Variants in CWH43 observed in about 807,000 individuals in gnomAD.
CWH43 encodes PGAP2-interacting protein.
In CWH43, 91 loss-of-function variants were observed where a neutral mutation model predicts 85.7. The ratio of observed to expected loss-of-function variants is 1.06; its 90% confidence interval spans 0.90 to 1.26. CWH43 has a LOEUF of 1.26. CWH43 is among the 50% of genes most tolerant of loss of function. The pLI is 0.00. For missense variants in CWH43, 869 were observed against 839.2 expected, an observed-to-expected ratio of 1.04 and a Z score of -0.44; for synonymous variants, 323 against 293.6, an observed-to-expected ratio of 1.10 and a Z score of -1.02.
chr4:49,020,586 G>C (rs532367147), intron 9 of CWH43, among the ~76,000 whole-genome samples: 1 of 152,256 alleles, frequency 6.6e-6, no homozygotes, highest in Admixed American at 6.5e-5. Context: ...GAGTGTGATT[G>C]CTGGATCAAA....
intron 11 of CWH43, 136 bp from the exon 12 acceptor site, chr4:49,032,430 T>C: frequency 1.1e-6 from 1 of 908,998 alleles, no homozygotes. Context: ...TATAAGTCTC[T>C]GCCGCATTGC....
At chr4:49,037,991 T>C in intron 12 of CWH43, 45 bp from the exon 13 acceptor site, 1 of 1,547,736 alleles carries the variant, frequency 6.5e-7, no homozygotes, top group African/African-American at 1.4e-5. Flanking sequence ...TTTTTAAAGT[T>C]TGTTTTACAA....
At chr4:49,015,498 G>C (rs1375379823) in intron 8 of CWH43, among the ~76,000 whole-genome samples, 2 of 151,922 alleles carry the variant, frequency 1.3e-5, no homozygotes, top group African/African-American at 4.8e-5. Flanking sequence ...GTGTTCCGTA[G>C]TTTCACTGTG....
chr4:49,039,352 G>GATATAT (rs1254187084), intron 13 of CWH43, among the ~76,000 whole-genome samples: 1 of 5,858 alleles, frequency 1.7e-4, no homozygotes, highest in Non-Finnish European at 5.7e-4. Context: ...TATATATACT[G>GATATAT]ATATATATAT....
intron 11 of CWH43, 52 bp downstream of exon 11, chr4:49,031,012 G>C: frequency 6.7e-7 from 1 of 1,493,182 alleles, no homozygotes; most frequent in Non-Finnish European, 8.9e-7. Context: ...AGGCTAGGCT[G>C]CATAGGCTTG....
chr4:49,054,589 G>T (rs941325902), intron 15 of CWH43, among the ~76,000 whole-genome samples: 3 of 152,068 alleles, frequency 2.0e-5, no homozygotes, highest in African/African-American at 7.2e-5. Flanking sequence ...TCTGCAGATT[G>T]CTTTTGGTAG....
chr4:49,043,168 T>C (rs1165627862), intron 13 of CWH43, among the ~76,000 whole-genome samples: 3 of 152,212 alleles, frequency 2.0e-5, no homozygotes, highest in Admixed American at 6.5e-5. Context: ...GTGATATCTA[T>C]GGAATCATAG....
At chr4:48,996,164 C>T (rs1324764247) in intron 5 of CWH43, among the ~76,000 whole-genome samples, 2 of 152,154 alleles carry the variant, frequency 1.3e-5, no homozygotes, top group African/African-American at 4.8e-5. Context: ...TCCTGGCAAG[C>T]CCTACTCCCT....
intron 12 of CWH43, among the ~76,000 whole-genome samples, chr4:49,034,361 T>G (rs1037284422): frequency 1.3e-5 from 2 of 152,184 alleles, no homozygotes; most frequent in African/African-American, 4.8e-5. Flanking sequence ...TTCCCTTTTT[T>G]CCTTTGCCTT....
intron 9 of CWH43, among the ~76,000 whole-genome samples, chr4:49,024,360 G>A (rs1354572984): frequency 1.3e-5 from 2 of 152,118 alleles, no homozygotes; most frequent in South Asian, 2.1e-4. Context: ...GTATTGAGAC[G>A]TGAGGTACTA....
intron 11 of CWH43, 148 bp downstream of exon 11, chr4:49,031,108 C>T: frequency 1.4e-6 from 1 of 693,268 alleles, no homozygotes; most frequent in East Asian, 3.0e-5. Flanking sequence ...GAGATATGCA[C>T]ATTCTGTAAT....
chr4:49,005,428 C>T (rs1024749725), intron 7 of CWH43, among the ~76,000 whole-genome samples: 5 of 152,102 alleles, frequency 3.3e-5, no homozygotes, highest in Admixed American at 6.6e-5. Context: ...ACCCACTGTC[C>T]TTGCCTACCT....
chr4:49,012,179 C>G (rs1783386022), intron 8 of CWH43, among the ~76,000 whole-genome samples: 1 of 152,146 alleles, frequency 6.6e-6, no homozygotes, highest in African/African-American at 2.4e-5. Flanking sequence ...TTTCTTTTCA[C>G]TCTTTTTTCT....
At chr4:49,056,212 A>T (rs1784952585) in intron 15 of CWH43, among the ~76,000 whole-genome samples, 1 of 151,504 alleles carries the variant, frequency 6.6e-6, no homozygotes, top group Non-Finnish European at 1.5e-5. Flanking sequence ...GATGGTTTCC[A>T]ATTTCATCCA....
At chr4:49,027,965 G>T (rs1388197746) in intron 9 of CWH43, among the ~76,000 whole-genome samples, 3 of 152,120 alleles carry the variant, frequency 2.0e-5, no homozygotes, top group Non-Finnish European at 4.4e-5. Flanking sequence ...TTCCAGTACA[G>T]CAAGGGTGTT....
intron 8 of CWH43, among the ~76,000 whole-genome samples, chr4:49,009,523 G>C (rs1783281728): frequency 6.6e-6 from 1 of 152,168 alleles, no homozygotes; most frequent in African/African-American, 2.4e-5. Flanking sequence ...TTGAATAGGA[G>C]TGGTGAGAGA....
At chr4:49,016,407 G>A (rs1377541922) in intron 8 of CWH43, among the ~76,000 whole-genome samples, 1 of 152,116 alleles carries the variant, frequency 6.6e-6, no homozygotes, top group African/African-American at 2.4e-5. Context: ...GGTGTAAGAA[G>A]GGAGAGGATG....
intron 10 of CWH43, among the ~76,000 whole-genome samples, chr4:49,030,465 T>G (rs558877123): frequency 7.9e-4 from 121 of 152,330 alleles, no homozygotes; most frequent in African/African-American, 2.8e-3. Flanking sequence ...ATGGAGCTGT[T>G]TGTGCTGGAA....
rs758062886 is a variant in CWH43 at position 48,991,498 on chromosome 4, A to G, written c.280A>G (p.Met94Val). ...GGCTCCAAATGCCAAACTTCGACTG[A>G]TGGTTCTTGCGCTTGGGGTGTCTTC... is the stretch of plus-strand genomic sequence containing the variant. ...FQAPNAKLRL[M>V]VLALGVSSSL... The change falls in exon 3 of 16, where the codon ATG becomes GTG. Residue 94 changes from methionine (M) to valine (V), a missense_variant. By Grantham distance (21) the Met-to-Val change is conservative. Coordinates refer to ENST00000226432, the MANE Select transcript of CWH43 (RefSeq NM_025087.3). 5.0e-6 allele frequency: 8 copies of G among 1,614,062 alleles called. No individual in the cohort carries two copies. Among genetic ancestry groups the G allele is most frequent in the Non-Finnish European group, 5.1e-6 (6 of 1,179,982 alleles).
Sources: gnomAD v4.1 joint callset for allele counts (sites outside exome capture counted in the v4.1 genomes callset) on GRCh38, gnomAD v4.1.1 for gene constraint, MANE v1.5 for transcripts, NCBI Gene and HGNC (gene_info 2026-07-23, HGNC 2026-07-21) for gene names.